Variants in CDC27 observed in about 807,000 individuals in gnomAD.
CDC27 encodes the protein cell division cycle 27, also known as cell division cycle protein 27 homolog.
CDC27 carries 27 observed loss-of-function variants against 109.7 expected under a neutral mutation model. The observed-to-expected ratio is 0.25, with a 90% CI of 0.18 to 0.34. The LOEUF is 0.34. Ranked by LOEUF, CDC27 falls within the 10% of genes least tolerant of loss-of-function variation. The pLI, the probability that CDC27 is intolerant of heterozygous loss-of-function variation, is 1.00. For missense variants in CDC27, 579 were observed against 960.2 expected, an observed-to-expected ratio of 0.60 and a Z score of 5.25; for synonymous variants, 266 against 333.9, an observed-to-expected ratio of 0.80 and a Z score of 2.22.
chr17:47,124,178 AACACACACACACAC>A (rs59790354), intron 16 of CDC27, among the ~76,000 whole-genome samples: 3 of 144,498 alleles, frequency 2.1e-5, no homozygotes, highest in South Asian at 2.2e-4. Flanking sequence ...GTACACTGAA[AACACACACACACAC>A]ACACACACAC....
chr17:47,124,386 C>A (rs2062073523), intron 16 of CDC27, among the ~76,000 whole-genome samples: 1 of 152,060 alleles, frequency 6.6e-6, no homozygotes, highest in South Asian at 2.1e-4. Flanking sequence ...CAGATTCAAG[C>A]AATTCTCCTG....
At chr17:47,125,559 T>TC in intron 16 of CDC27, among the ~76,000 whole-genome samples, 1 of 149,188 alleles carries the variant, frequency 6.7e-6, no homozygotes, top group East Asian at 2.0e-4. Flanking sequence ...AAAGAAATCT[T>TC]TTTTTTTTTC....
In CDC27 at chr17:47,142,217, T is replaced by G. The variant is rs1233977431; in HGVS notation, c.1378+12A>C. The G allele has an allele frequency of 2.0e-6, 3 of 1,513,090 alleles. No individual in the cohort carries two copies. The highest frequency in any genetic ancestry group is 2.7e-6 in the Non-Finnish European group (3 of 1,106,762). 93.7% of individuals were successfully genotyped at this position (1,513,090 alleles called of 1,614,324 possible). A position where few individuals can be genotyped will look rare whatever the true frequency, so the allele number is the denominator to read the frequency against. ...TAAAATACAAAGATAATATTAAGCA[T>G]TTAAAACAGACCTGCTGCTGCTTTT... On this transcript the variant is annotated intron_variant, in intron 11 of 18. Coordinates refer to ENST00000066544, the MANE Select transcript of CDC27 (RefSeq NM_001256.6).
chr17:47,144,199 G>A (rs913388562), intron 9 of CDC27, among the ~76,000 whole-genome samples: 1 of 152,018 alleles, frequency 6.6e-6, no homozygotes, highest in Non-Finnish European at 1.5e-5. Flanking sequence ...GCTTGCAGAT[G>A]GCCTCTTGTG....
At chr17:47,138,976 A>G (rs575367987) in intron 12 of CDC27, 85 bp from the exon 13 acceptor site, 19 of 882,368 alleles carry the variant, frequency 2.2e-5, no homozygotes, top group Non-Finnish European at 3.3e-5. Context: ...TTATCTTCAC[A>G]GGATCTAAAT....
intron 14 of CDC27, among the ~76,000 whole-genome samples, chr17:47,133,684 C>CGCCTCG (rs1008736753): frequency 2.6e-4 from 39 of 150,816 alleles, no homozygotes; most frequent in Non-Finnish European, 5.2e-4. Context: ...GTGATCCGCC[C>CGCCTCG]GCCTCGGCCT....
chr17:47,138,633 T>G (rs573409735), intron 13 of CDC27, 106 bp downstream of exon 13: 4 of 724,632 alleles, frequency 5.5e-6, no homozygotes, highest in Non-Finnish European at 9.2e-6. Flanking sequence ...AAAAAAGAAA[T>G]AAGCGTGGGT....
At chr17:47,142,466 T>C in intron 10 of CDC27, 30 bp from the exon 11 acceptor site, 2 of 864,322 alleles carry the variant, frequency 2.3e-6, no homozygotes, top group Non-Finnish European at 3.6e-6. Context: ...TCACACCTGT[T>C]ATACTCATGT....
At chr17:47,136,712 A>T (rs2062609173) in intron 14 of CDC27, among the ~76,000 whole-genome samples, 1 of 152,234 alleles carries the variant, frequency 6.6e-6, no homozygotes, top group Non-Finnish European at 1.5e-5. Context: ...AACTCAATAA[A>T]CCAGAACACT....
At chr17:47,173,200 C>A (rs2063867457) in intron 2 of CDC27, among the ~76,000 whole-genome samples, 1 of 152,252 alleles carries the variant, frequency 6.6e-6, no homozygotes, top group East Asian at 1.9e-4. Flanking sequence ...AATTTTATTT[C>A]TAAGTTTTTT....
intron 14 of CDC27, among the ~76,000 whole-genome samples, chr17:47,135,252 A>G (rs2148838439): frequency 6.6e-6 from 1 of 152,292 alleles, no homozygotes; most frequent in Middle Eastern, 3.4e-3. Flanking sequence ...TATCAAAAGC[A>G]TGCTCCTATA....
intron 15 of CDC27, among the ~76,000 whole-genome samples, chr17:47,131,119 A>G (rs959183485): frequency 6.6e-6 from 1 of 152,174 alleles, no homozygotes; most frequent in South Asian, 2.1e-4. Context: ...TTCTTCAAAT[A>G]AACCACTCAA....
At chr17:47,188,911 C>T (rs946882767) in intron 1 of CDC27, 1 of 1,386,382 alleles carries the variant, frequency 7.2e-7, no homozygotes, top group African/African-American at 1.5e-5. Context: ...ACGGGAAAGG[C>T]GGTTATTTTC....
chr17:47,164,449 A>C (rs933165727), intron 4 of CDC27, among the ~76,000 whole-genome samples: 1 of 152,230 alleles, frequency 6.6e-6, no homozygotes, highest in Non-Finnish European at 1.5e-5. Context: ...TGTACCCTAC[A>C]CCCAGCTTCC....
At chr17:47,144,362 T>A (rs180804636) in intron 9 of CDC27, among the ~76,000 whole-genome samples, 4 of 152,262 alleles carry the variant, frequency 2.6e-5, no homozygotes, top group Non-Finnish European at 5.9e-5. Flanking sequence ...CTAAAAATAA[T>A]CCTCATAAAA....
intron 15 of CDC27, among the ~76,000 whole-genome samples, chr17:47,130,059 T>C (rs2062272653): frequency 6.6e-6 from 1 of 152,010 alleles, no homozygotes; most frequent in Admixed American, 6.6e-5. Flanking sequence ...TTTAGGAATT[T>C]ATTTGAAAAA....
chr17:47,147,417 AAACAAACAAAC>A (rs1399277222), intron 9 of CDC27, among the ~76,000 whole-genome samples: 2 of 105,986 alleles, frequency 1.9e-5, no homozygotes, highest in Admixed American at 2.1e-4. Context: ...ACAAACAAAC[AAACAAACAAAC>A]AAAAAAAAAA....
intron 8 of CDC27, 59 bp downstream of exon 8, chr17:47,154,613 G>T: frequency 1.1e-6 from 1 of 879,960 alleles, no homozygotes; most frequent in Non-Finnish European, 1.8e-6. Flanking sequence ...ACCTTTAAAA[G>T]ATTGAAATAA....
chr17:47,126,516 G>C (rs1250361090), intron 16 of CDC27, among the ~76,000 whole-genome samples: 3 of 151,958 alleles, frequency 2.0e-5, no homozygotes, highest in Non-Finnish European at 2.9e-5. Flanking sequence ...AACAATCAAA[G>C]AAAACCCCAC....
Sources: gnomAD v4.1 joint callset for allele counts (sites outside exome capture counted in the v4.1 genomes callset) on GRCh38, gnomAD v4.1.1 for gene constraint, MANE v1.5 for transcripts, NCBI Gene and HGNC (gene_info 2026-07-23, HGNC 2026-07-21) for gene names.